The following ITGBL1 variants were observed in gnomAD, a reference collection of about 807,000 sequenced individuals.
ITGBL1 encodes integrin subunit beta like 1.
In ITGBL1, 51 loss-of-function variants were observed where a neutral mutation model predicts 68.5. The observed-to-expected ratio is 0.74, with a 90% CI of 0.59 to 0.94. The LOEUF is 0.94. Among genes scored for constraint, ITGBL1 ranks in the 40% least tolerant of loss-of-function variants. The probability of loss-of-function intolerance (pLI) is 0.00; values close to 1 mark genes in which losing one functional copy is unlikely to be tolerated. For synonymous variants in ITGBL1, 209 were observed against 227.3 expected (o/e 0.92, Z 0.72); for missense variants, 649 against 647.4 (o/e 1.00, Z -0.03).
chr13:101,688,163 C>G (rs991965892), intron 7 of ITGBL1, among the ~76,000 whole-genome samples: 6 of 152,154 alleles, frequency 3.9e-5, no homozygotes, highest in Admixed American at 2.0e-4. Flanking sequence ...TAAGGGAGAA[C>G]TTAGTTGGCT....
chr13:101,569,129 C>G (rs545646364), intron 3 of ITGBL1, among the ~76,000 whole-genome samples: 8 of 152,032 alleles, frequency 5.3e-5, no homozygotes, highest in Admixed American at 6.6e-5. Context: ...CACGCGCACG[C>G]GCGCGCATGC....
intron 2 of ITGBL1, among the ~76,000 whole-genome samples, chr13:101,468,389 A>G (rs1295572930): frequency 6.6e-6 from 1 of 152,218 alleles, no homozygotes; most frequent in Non-Finnish European, 1.5e-5. Context: ...ATATTTGAGT[A>G]TAGTATGCTG....
chr13:101,664,855 T>G (rs2033175073), intron 7 of ITGBL1, among the ~76,000 whole-genome samples: 1 of 152,190 alleles, frequency 6.6e-6, no homozygotes, highest in Non-Finnish European at 1.5e-5. Flanking sequence ...TGCTTCAGCC[T>G]CCCCAGTAGC....
chr13:101,486,125 A>C (rs2048699499), intron 2 of ITGBL1, among the ~76,000 whole-genome samples: 1 of 152,158 alleles, frequency 6.6e-6, no homozygotes, highest in South Asian at 2.1e-4. Context: ...TAAAAAAAAA[A>C]TGTGGTATAT....
chr13:101,638,059 T>C (rs2139423670), intron 7 of ITGBL1, among the ~76,000 whole-genome samples: 1 of 152,320 alleles, frequency 6.6e-6, no homozygotes, highest in East Asian at 1.9e-4. Flanking sequence ...AAGGATCTGC[T>C]ATAAAATATA....
chr13:101,603,757 A>T (rs1022481490), intron 7 of ITGBL1, among the ~76,000 whole-genome samples: 2 of 151,940 alleles, frequency 1.3e-5, no homozygotes, highest in Non-Finnish European at 2.9e-5. Context: ...TTTCAAATTA[A>T]AAACCTTGGG....
chr13:101,608,372 CTT>C (rs34696802), intron 7 of ITGBL1, among the ~76,000 whole-genome samples: 1 of 144,050 alleles, frequency 6.9e-6, no homozygotes. Context: ...GCTTTCTTTC[CTT>C]TTTTTTTTTC....
At chr13:101,665,543 A>C (rs1312457476) in intron 7 of ITGBL1, among the ~76,000 whole-genome samples, 1 of 152,130 alleles carries the variant, frequency 6.6e-6, no homozygotes, top group Non-Finnish European at 1.5e-5. Context: ...TACCTATATA[A>C]TCATGTCATA....
intron 7 of ITGBL1, among the ~76,000 whole-genome samples, chr13:101,681,802 G>T (rs1410254923): frequency 1.3e-5 from 2 of 152,138 alleles, no homozygotes; most frequent in Admixed American, 6.6e-5. Context: ...CTGTGTGTGT[G>T]TGGGTGTGCG....
chr13:101,554,742 C>G (rs945296056), intron 2 of ITGBL1, among the ~76,000 whole-genome samples: 4 of 152,218 alleles, frequency 2.6e-5, no homozygotes, highest in Admixed American at 2.0e-4. Context: ...TCCACCCCTC[C>G]TGGGGTGGGG....
intron 2 of ITGBL1, among the ~76,000 whole-genome samples, chr13:101,522,419 T>C (rs760370148): frequency 6.6e-6 from 1 of 152,178 alleles, no homozygotes; most frequent in Non-Finnish European, 1.5e-5. Flanking sequence ...TTATGATTTC[T>C]GTTATTCTTA....
intron 7 of ITGBL1, among the ~76,000 whole-genome samples, chr13:101,671,729 C>T (rs1048837305): frequency 7.9e-5 from 12 of 151,914 alleles, no homozygotes; most frequent in East Asian, 1.9e-4. Flanking sequence ...TGAGCCACCG[C>T]GCCCGGCCAA....
intron 2 of ITGBL1, among the ~76,000 whole-genome samples, chr13:101,538,314 C>T (rs1000082798): frequency 6.7e-6 from 1 of 150,062 alleles, no homozygotes; most frequent in Admixed American, 6.7e-5. Flanking sequence ...GTTGGGGGGC[C>T]GTGTAAAGAG....
At chr13:101,676,150 CTCTTT>C in intron 7 of ITGBL1, among the ~76,000 whole-genome samples, 1 of 151,726 alleles carries the variant, frequency 6.6e-6, no homozygotes, top group South Asian at 2.1e-4. Context: ...CTGTTTTTTT[CTCTTT>C]TATTTTTAGT....
chr13:101,454,078 C>A lies in ITGBL1; in HGVS notation c.294C>A (p.Thr98=), dbSNP rs1017308575. ...AGTGCCATGAGTGGGTGTGCGAGAC[C>A]TACGACGGGAGCACCTGTGCAGGTA... ...LCECHEWVCE[T]YDGSTCAGHG... is the part of the protein sequence containing the mutation. The change falls in exon 2 of 11, where the codon ACC becomes ACA. Residue 98 remains threonine, a synonymous_variant. Transcript: ENST00000376180. The A allele has an allele frequency of 6.3e-7, 1 of 1,582,372 alleles. No homozygotes were observed. The highest frequency in any genetic ancestry group is 8.6e-7 in the Non-Finnish European group (1 of 1,164,306).
At chr13:101,489,536 T>C (rs118158892) in intron 2 of ITGBL1, among the ~76,000 whole-genome samples, 2,570 of 152,272 alleles carry the variant, frequency 0.017, 33 homozygotes, top group Non-Finnish European at 0.021. Context: ...GTATGTGATT[T>C]GGAGAGAGCA....
At chr13:101,584,605 AG>A (rs1189256208) in intron 6 of ITGBL1, among the ~76,000 whole-genome samples, 1 of 152,168 alleles carries the variant, frequency 6.6e-6, no homozygotes. Flanking sequence ...CCATTGCAGA[AG>A]GGTTTCCCTC....
intron 7 of ITGBL1, among the ~76,000 whole-genome samples, chr13:101,646,017 A>G (rs938350871): frequency 2.0e-5 from 3 of 152,314 alleles, no homozygotes; most frequent in African/African-American, 7.2e-5. Context: ...CTGCCTAATG[A>G]AAGCAGTTAA....
At chr13:101,674,154 A>C (rs2033443450) in intron 7 of ITGBL1, among the ~76,000 whole-genome samples, 2 of 152,206 alleles carry the variant, frequency 1.3e-5, no homozygotes, top group Non-Finnish European at 2.9e-5. Context: ...ATCATATACA[A>C]AGCCATTGCA....
Sources: gnomAD v4.1 joint callset for allele counts (sites outside exome capture counted in the v4.1 genomes callset) on GRCh38, gnomAD v4.1.1 for gene constraint, MANE v1.5 for transcripts, NCBI Gene and HGNC (gene_info 2026-07-23, HGNC 2026-07-21) for gene names.